Variants in PDE4D observed in about 807,000 individuals in gnomAD.
The protein encoded by PDE4D is phosphodiesterase 4D.
A neutral mutation model predicts 87.4 loss-of-function variants in PDE4D; 24 were observed. The ratio of observed to expected loss-of-function variants is 0.27; its 90% CI spans 0.20 to 0.39. The LOEUF (loss-of-function observed/expected upper bound fraction) is 0.39. PDE4D is among the 10% of genes least tolerant of loss of function. The pLI, the probability that PDE4D is intolerant of heterozygous loss-of-function variation, is 1.00. For synonymous variants in PDE4D, 384 were observed against 383.2 expected (o/e 1.00, Z -0.02); for missense variants, 714 against 1,041.0 (o/e 0.69, Z 4.32).
At chr5:60,186,979 C>T (rs752440913) in intron 1 of PDE4D, among the ~76,000 whole-genome samples, 19 of 151,994 alleles carry the variant, frequency 1.3e-4, no homozygotes, top group Non-Finnish European at 2.2e-4. Flanking sequence ...AGACACTTTG[C>T]GGGAGGTAAG....
intron 2 of PDE4D, among the ~76,000 whole-genome samples, chr5:60,075,045 C>G (rs73098751): frequency 2.9e-3 from 437 of 152,218 alleles, no homozygotes; most frequent in African/African-American, 0.01. Context: ...ATCCTGTCAT[C>G]ATGTTGTTAG....
intron 1 of PDE4D, among the ~76,000 whole-genome samples, chr5:59,734,849 G>A (rs1262509976): frequency 2.6e-5 from 4 of 152,236 alleles, no homozygotes; most frequent in Admixed American, 6.5e-5. Flanking sequence ...AAAGGCTTGC[G>A]GAGGTCTAGA....
At chr5:60,186,851 A>G (rs988252152) in intron 1 of PDE4D, among the ~76,000 whole-genome samples, 3 of 152,202 alleles carry the variant, frequency 2.0e-5, no homozygotes, top group Admixed American at 2.0e-4. Context: ...CATTTTTTAA[A>G]AAAACATACA....
intron 1 of PDE4D, among the ~76,000 whole-genome samples, chr5:59,685,681 T>G (rs1749740915): frequency 6.6e-6 from 1 of 152,184 alleles, no homozygotes; most frequent in African/African-American, 2.4e-5. Context: ...AAATTAAATC[T>G]TCAATTATTT....
chr5:60,263,605 A>G (rs552289209), intron 1 of PDE4D, among the ~76,000 whole-genome samples: 1 of 152,316 alleles, frequency 6.6e-6, no homozygotes, highest in Non-Finnish European at 1.5e-5. Context: ...CTGTTGCTTC[A>G]ATACACAGAG....
At chr5:59,860,989 G>A (rs1022922343) in intron 1 of PDE4D, among the ~76,000 whole-genome samples, 7 of 151,644 alleles carry the variant, frequency 4.6e-5, no homozygotes, top group Middle Eastern at 3.2e-3. Flanking sequence ...CTCCCAAGTG[G>A]CTGGGATTAC....
chr5:59,758,049 C>A (rs1761501560), intron 1 of PDE4D, among the ~76,000 whole-genome samples: 1 of 152,102 alleles, frequency 6.6e-6, no homozygotes, highest in Admixed American at 6.6e-5. Context: ...CTTCAATACA[C>A]ATGCAGGGTA....
At chr5:60,039,187 C>T (rs2152866145) in intron 2 of PDE4D, among the ~76,000 whole-genome samples, 1 of 152,130 alleles carries the variant, frequency 6.6e-6, no homozygotes, top group Middle Eastern at 3.4e-3. Context: ...GGAACCAACC[C>T]AAATGTCCAA....
intron 1 of PDE4D, chr5:60,372,580 C>T (rs1039122230): frequency 2.0e-5 from 3 of 152,224 alleles, no homozygotes; most frequent in Admixed American, 6.5e-5. Flanking sequence ...GTGAAACCTG[C>T]ATGTTCCCTT....
intron 1 of PDE4D, among the ~76,000 whole-genome samples, chr5:59,777,225 A>G (rs1288164541): frequency 6.6e-6 from 1 of 152,190 alleles, no homozygotes; most frequent in African/African-American, 2.4e-5. Context: ...AGCCTCCATT[A>G]GAATCAGGTT....
At chr5:60,003,707 TA>T (rs35100447) in intron 2 of PDE4D, among the ~76,000 whole-genome samples, 22,818 of 104,272 alleles carry the variant, frequency 0.22, 2,224 homozygotes, top group Middle Eastern at 0.33. Context: ...AGACTCCATC[TA>T]AAAAAAAAAA....
chr5:60,298,250 T>C (rs532927127), intron 1 of PDE4D, among the ~76,000 whole-genome samples: 2 of 152,320 alleles, frequency 1.3e-5, no homozygotes, highest in Admixed American at 6.5e-5. Flanking sequence ...CTCTCCTGTT[T>C]ATGACTAACT....
At chr5:58,993,101 T>G (rs761714357) in intron 7 of PDE4D, among the ~76,000 whole-genome samples, 2 of 152,144 alleles carry the variant, frequency 1.3e-5, no homozygotes, top group Non-Finnish European at 2.9e-5. Context: ...AAAATATATT[T>G]TACAGTTTGG....
At chr5:59,580,958 G>GTATAAATCTATCCTT (rs1824018912) in intron 1 of PDE4D, among the ~76,000 whole-genome samples, 1 of 151,920 alleles carries the variant, frequency 6.6e-6, no homozygotes, top group Admixed American at 6.6e-5. Flanking sequence ...AATCATATAT[G>GTATAAATCTATCCTT]GAGAGATATA....
intron 1 of PDE4D, among the ~76,000 whole-genome samples, chr5:59,625,813 G>A (rs973029046): frequency 6.6e-6 from 1 of 152,222 alleles, no homozygotes; most frequent in African/African-American, 2.4e-5. Context: ...GGGCGCGGTG[G>A]CTCATGCCTG....
chr5:59,392,802 TC>T (rs1417303368), intron 1 of PDE4D, among the ~76,000 whole-genome samples: 1 of 151,880 alleles, frequency 6.6e-6, no homozygotes, highest in East Asian at 1.9e-4. Context: ...GCTGGAAGAG[TC>T]CTGAAAGGGA....
rs199648536 is a variant in PDE4D, at chr5:59,504,977, TGA to T, written c.456-289011_456-289010del. On this transcript the variant is annotated intron_variant, in intron 1 of 14. Coordinates refer to ENST00000340635, the MANE Select transcript of PDE4D (RefSeq NM_001104631.2). ...GTTTGTGTATGTGTGTGTGTGAAAG[TGA>T]GAGAGAGAGAAGTGTAGGGCTGCTC... Among the ~76,000 whole-genome samples the T allele has an allele frequency of 1.8e-3, 274 of 150,008 alleles. 3 individuals are homozygous for T. The highest frequency in any genetic ancestry group is 6.4e-3 in the African/African-American group (264 of 40,942).
At chr5:60,001,707 A>T (rs1764027695) in intron 2 of PDE4D, among the ~76,000 whole-genome samples, 2 of 152,182 alleles carry the variant, frequency 1.3e-5, no homozygotes, top group Non-Finnish European at 2.9e-5. Flanking sequence ...TTGTTAATGG[A>T]TATGCAATAC....
Position 59,341,435 on chromosome 5 carries a change from G to A in PDE4D, c.456-125467C>T, listed in dbSNP as rs1383201619. Among the ~76,000 whole-genome samples, 5 of 152,062 alleles carry A rather than the reference G, an allele frequency of 3.3e-5. No individual in the cohort carries two copies. In the East Asian group the frequency reaches 9.7e-4, roughly 29 times the overall value. On this transcript the variant is annotated intron_variant, in intron 1 of 14. Transcript: ENST00000340635. ...AATAGTCCACACCACAAAAGCCAAGGGATTTTTGTAATTGTTTTACAAGTA... is the reference window on the plus strand; with the variant it reads ...AATAGTCCACACCACAAAAGCCAAGAGATTTTTGTAATTGTTTTACAAGTA...
Sources: allele counts gnomAD v4.1 joint callset (sites outside exome capture counted in the v4.1 genomes callset), GRCh38; gene constraint gnomAD v4.1.1; transcripts MANE v1.5; gene names NCBI Gene and HGNC (gene_info 2026-07-23, HGNC 2026-07-21).